Variants in NBAS observed in about 807,000 individuals in gnomAD.
NBAS encodes the protein NBAS subunit of NRZ tethering complex, also known as NAG/BC035112 fusion.
Under a neutral mutation model 302.5 loss-of-function variants are expected in NBAS, and 219 were observed. The observed-to-expected ratio is 0.72, with a 90% CI of 0.65 to 0.81. The LOEUF is 0.81. Among genes scored for constraint, NBAS ranks in the 30% least tolerant of loss-of-function variants. The probability of loss-of-function intolerance (pLI) is 0.00; values close to 1 mark genes in which losing one functional copy is unlikely to be tolerated. For synonymous variants in NBAS, 1,118 were observed against 1,021.6 expected (o/e 1.09, Z -1.80); for missense variants, 2,932 against 2,841.6 (o/e 1.03, Z -0.72).
At chr2:15,345,229 C>T (rs927758616) in intron 35 of NBAS, among the ~76,000 whole-genome samples, 34 of 152,144 alleles carry the variant, frequency 2.2e-4, no homozygotes, top group Non-Finnish European at 3.5e-4. Flanking sequence ...TCTCTGTTTG[C>T]AGACGACCTG....
At chr2:15,285,998 A>G (rs1300995981) in intron 42 of NBAS, among the ~76,000 whole-genome samples, 1 of 152,078 alleles carries the variant, frequency 6.6e-6, no homozygotes, top group Non-Finnish European at 1.5e-5. Flanking sequence ...AAAATACCTT[A>G]CTTCATTGGG....
At chr2:15,276,780 T>C (rs1669600153) in intron 43 of NBAS, 71 bp downstream of exon 43, 1 of 1,609,348 alleles carries the variant, frequency 6.2e-7, no homozygotes, top group Non-Finnish European at 8.5e-7. Flanking sequence ...ATGAACAGGA[T>C]TGTGTACAGA....
intron 35 of NBAS, among the ~76,000 whole-genome samples, chr2:15,331,697 T>A (rs1558541970): frequency 6.6e-6 from 1 of 152,164 alleles, no homozygotes; most frequent in African/African-American, 2.4e-5. Context: ...CCGGGCATCA[T>A]CACATAACAA....
intron 44 of NBAS, among the ~76,000 whole-genome samples, chr2:15,258,688 T>C (rs1668714518): frequency 6.6e-6 from 1 of 152,144 alleles, no homozygotes; most frequent in Non-Finnish European, 1.5e-5. Context: ...TCGAACCCTG[T>C]TTTCTGTTGT....
At chr2:14,790,599 A>G in the NBAS span, among the ~76,000 whole-genome samples, 2 of 150,164 alleles carry the variant, frequency 1.3e-5, no homozygotes, top group East Asian at 3.9e-4. Context: ...TATCCAAGCC[A>G]CTCTTTCAAT....
chr2:15,558,788 T>C (rs1003189645), intron 1 of NBAS, among the ~76,000 whole-genome samples, 154 bp from the exon 2 acceptor site: 26 of 152,146 alleles, frequency 1.7e-4, no homozygotes, highest in African/African-American at 4.1e-4. Context: ...AGACTGGATG[T>C]TCAGGTGCAG....
intron 23 of NBAS, among the ~76,000 whole-genome samples, chr2:15,419,102 C>T (rs896626760): frequency 1.3e-5 from 2 of 152,188 alleles, no homozygotes; most frequent in Non-Finnish European, 2.9e-5. Flanking sequence ...AGTTCACACA[C>T]TTATTCACAG....
the NBAS span, among the ~76,000 whole-genome samples, chr2:14,846,630 T>C: frequency 6.6e-6 from 1 of 151,964 alleles, no homozygotes; most frequent in Non-Finnish European, 1.5e-5. Flanking sequence ...TTCAGGAAAT[T>C]GACAGTACAA....
At chr2:15,314,206 A>G (rs1357494711) in intron 38 of NBAS, among the ~76,000 whole-genome samples, 1 of 152,046 alleles carries the variant, frequency 6.6e-6, no homozygotes, top group South Asian at 2.1e-4. Flanking sequence ...ATACAAAAAA[A>G]CTATCCAGAC....
the NBAS span, among the ~76,000 whole-genome samples, chr2:14,833,336 G>A: frequency 1.3e-5 from 2 of 152,112 alleles, no homozygotes; most frequent in South Asian, 2.1e-4. Context: ...AGTTACATGA[G>A]GTTATTCTGA....
intron 6 of NBAS, among the ~76,000 whole-genome samples, chr2:15,543,606 G>A (rs57971697): frequency 0.016 from 2,491 of 152,230 alleles, 65 homozygotes; most frequent in African/African-American, 0.055. Flanking sequence ...AAGACCCATC[G>A]TGCATGGATG....
intron 9 of NBAS, among the ~76,000 whole-genome samples, chr2:15,528,137 C>A (rs1422375394): frequency 3.3e-5 from 5 of 151,960 alleles, no homozygotes; most frequent in Non-Finnish European, 7.4e-5. Flanking sequence ...ACTATGACTT[C>A]TTTTCCCTTG....
chr2:15,288,975 C>T (rs1432999257), intron 41 of NBAS, among the ~76,000 whole-genome samples: 2 of 152,188 alleles, frequency 1.3e-5, no homozygotes, highest in African/African-American at 2.4e-5. Flanking sequence ...AAAACAAATG[C>T]TAAAACCATT....
chr2:15,379,879 G>A lies in NBAS; in HGVS notation c.3361-48C>T, dbSNP rs751826352. 6 of 1,536,570 alleles carry A rather than the reference G, an allele frequency of 3.9e-6. No individual in the cohort carries two copies. The Admixed American group carries it at 1.0e-4, about 26-fold the overall frequency. On this transcript the variant is annotated intron_variant, in intron 29 of 51. Transcript: ENST00000281513. ...ATTAGTTATAGAGAGGGAAGATTCAGTTCTCAGTGAAATGAAGGCTCTGAA... is the reference window on the plus strand; with the variant it reads ...ATTAGTTATAGAGAGGGAAGATTCAATTCTCAGTGAAATGAAGGCTCTGAA...
rs182515952 is a variant in NBAS at position 15,439,219 on chromosome 2, C to T, written c.2340-11425G>A. 3.0e-3 allele frequency among the ~76,000 whole-genome samples: 445 copies of T among 149,468 alleles called. 2 individuals are homozygous for T. The highest frequency in any genetic ancestry group is 0.01 in the African/African-American group (416 of 40,610). On this transcript the variant is annotated intron_variant, in intron 21 of 51. Transcript: ENST00000281513. ...TTGGGAGGCTGAGGCAGGAGAATGG[C>T]GTGAACCGGGAGGTGGGGCTTGCAG... is the stretch of plus-strand genomic sequence containing the variant.
the NBAS span, among the ~76,000 whole-genome samples, chr2:14,869,639 C>A: frequency 6.6e-6 from 1 of 152,184 alleles, no homozygotes; most frequent in Non-Finnish European, 1.5e-5. Flanking sequence ...TCAATCAGCA[C>A]TCCTCCTTGT....
chr2:15,354,774 G>A (rs1673532339), intron 33 of NBAS, among the ~76,000 whole-genome samples: 1 of 152,176 alleles, frequency 6.6e-6, no homozygotes. Context: ...GCCTTGCTAG[G>A]CTGCATACTC....
chr2:15,142,018 C>T, the NBAS span, among the ~76,000 whole-genome samples: 1 of 152,172 alleles, frequency 6.6e-6, no homozygotes, highest in Non-Finnish European at 1.5e-5. Context: ...TTTACAATCA[C>T]AAAATTCATG....
chr2:15,221,683 A>G (rs1666955743), intron 47 of NBAS, among the ~76,000 whole-genome samples: 1 of 152,366 alleles, frequency 6.6e-6, no homozygotes, highest in Middle Eastern at 3.4e-3. Context: ...TAGAATGTAT[A>G]TAAATGCAAG....
Sources: allele counts gnomAD v4.1 joint callset (sites outside exome capture counted in the v4.1 genomes callset), GRCh38; gene constraint gnomAD v4.1.1; transcripts MANE v1.5; gene names NCBI Gene and HGNC (gene_info 2026-07-23, HGNC 2026-07-21).